The following PRDM16 variants were observed in gnomAD, a reference collection of about 807,000 sequenced individuals.
PRDM16 encodes histone-lysine N-methyltransferase PRDM16.
A neutral mutation model predicts 110.6 loss-of-function variants in PRDM16; 23 were observed. The ratio of observed to expected loss-of-function variants is 0.21; its 90% CI spans 0.15 to 0.29. The LOEUF (loss-of-function observed/expected upper bound fraction) is 0.29. Among genes scored for constraint, PRDM16 ranks in the 10% least tolerant of loss-of-function variants. The pLI is 1.00. For missense variants in PRDM16, 1,615 were observed against 1,794.3 expected (o/e 0.90, Z 1.81); for synonymous variants, 799 against 781.8 (o/e 1.02, Z -0.37).
rs1322935460 is a variant in PRDM16, at chr1:3,348,281, C to A, written c.439-36871C>A. The stretch of plus-strand genomic sequence containing the variant: ...TAGGAATCTGCCCATGCCATGCAGC[C>A]CTCAGTGCCCACAAAGGCTGGGCTC... On this transcript the variant is annotated intron_variant, in intron 3 of 16. Coordinates refer to ENST00000270722, the MANE Select transcript of PRDM16 (RefSeq NM_022114.4). Among the ~76,000 whole-genome samples the A allele has an allele frequency of 2.0e-5, 3 of 152,196 alleles. No homozygotes were observed. In the East Asian group the frequency reaches 5.8e-4, roughly 29 times the overall value.
At chr1:3,420,379 G>A (rs939057425) in intron 12 of PRDM16, among the ~76,000 whole-genome samples, 4 of 152,322 alleles carry the variant, frequency 2.6e-5, no homozygotes, top group African/African-American at 4.8e-5. Context: ...CCCCATGCCC[G>A]CCCCAGTGTG....
At chr1:3,268,772 T>C (rs1241449008) in intron 3 of PRDM16, among the ~76,000 whole-genome samples, 1 of 152,142 alleles carries the variant, frequency 6.6e-6, no homozygotes, top group East Asian at 1.9e-4. Flanking sequence ...AGTATTCTAA[T>C]ATTCCTGGTA....
intron 3 of PRDM16, among the ~76,000 whole-genome samples, chr1:3,280,763 G>A (rs1275595396): frequency 6.6e-6 from 1 of 152,232 alleles, no homozygotes; most frequent in African/African-American, 2.4e-5. Context: ...TAGGTGAAGT[G>A]AGAAGCAGGC....
At chr1:3,247,422 G>A (rs1639812284) in intron 3 of PRDM16, among the ~76,000 whole-genome samples, 1 of 152,230 alleles carries the variant, frequency 6.6e-6, no homozygotes. Flanking sequence ...CGGCCGGGCC[G>A]AGGGTTGTAT....
rs1643419665 is a variant in PRDM16, at chr1:3,398,489, A to T, written c.676+1896A>T. Among the ~76,000 whole-genome samples the T allele has an allele frequency of 1.3e-5, 2 of 152,218 alleles. 1 individual carries two copies. The highest frequency in any genetic ancestry group is 4.1e-4 in the South Asian group (2 of 4,828). On this transcript the variant is annotated intron_variant, in intron 5 of 16. Coordinates refer to ENST00000270722, the MANE Select transcript of PRDM16 (RefSeq NM_022114.4). ...CTCACTAAGATAATTATCATAAAAA[A>T]TCTTTTATCCCAACCCCAGCTCAAT...
chr1:3,352,322 CG>C (rs1160588014), intron 3 of PRDM16, among the ~76,000 whole-genome samples: 2 of 152,192 alleles, frequency 1.3e-5, no homozygotes, highest in African/African-American at 4.8e-5. Flanking sequence ...CGACTTCCCA[CG>C]GCAGAGTTGT....
chr1:3,123,352 C>A (rs764413721), intron 1 of PRDM16, among the ~76,000 whole-genome samples: 8 of 152,234 alleles, frequency 5.3e-5, no homozygotes, highest in Non-Finnish European at 1.2e-4. Context: ...CTCCAGGCGT[C>A]TGACAAATTT....
At chr1:3,279,362 C>T (rs924730155) in intron 3 of PRDM16, among the ~76,000 whole-genome samples, 4 of 152,244 alleles carry the variant, frequency 2.6e-5, no homozygotes, top group South Asian at 2.1e-4. Flanking sequence ...AGAGGAAGGG[C>T]GGGCCCTCGC....
rs143272149 is a variant in PRDM16, at chr1:3,151,652, G to A, written c.38-34473G>A. The stretch of plus-strand genomic sequence containing the variant: ...CGTCGACACTGCTAGCCCCACCGCC[G>A]TTCTGGGAGGCCGCCCACAGCACTG... On this transcript the variant is annotated intron_variant, in intron 1 of 16. Transcript: ENST00000270722. Among the ~76,000 whole-genome samples the A allele has an allele frequency of 1.5e-3, 232 of 152,382 alleles. 1 individual carries two copies. Among genetic ancestry groups the A allele is most frequent in the African/African-American group, 5.2e-3 (215 of 41,590 alleles).
chr1:3,097,731 C>T (rs939806209), intron 1 of PRDM16, among the ~76,000 whole-genome samples: 12 of 152,160 alleles, frequency 7.9e-5, no homozygotes, highest in African/African-American at 2.9e-4. Flanking sequence ...AGGGTCTCCC[C>T]GAGGCCTGGG....
rs774289596 is a variant in PRDM16 at position 3,417,800 on chromosome 1, C to G, written c.2692-28C>G. ...GAAGACAGGTGAGAGTCAGCTGAGT[C>G]CATAACCTCCCACTCTTATGCCTAC... On this transcript the variant is annotated intron_variant, in intron 10 of 16. Transcript: ENST00000270722. 7.5e-6 allele frequency: 12 copies of G among 1,609,412 alleles called. No individual in the cohort carries two copies. The African/African-American group carries it at 1.6e-4, about 22-fold the overall frequency.
At chr1:3,369,251 C>A (rs1642870329) in intron 3 of PRDM16, among the ~76,000 whole-genome samples, 1 of 152,358 alleles carries the variant, frequency 6.6e-6, no homozygotes, top group Admixed American at 6.5e-5. Context: ...GCACCTCTGT[C>A]TGTGAATCAC....
At position 3,345,692 on chromosome 1, in the gene PRDM16, C is replaced by A. The variant is rs148688194; in HGVS notation, c.439-39460C>A. On this transcript the variant is annotated intron_variant, in intron 3 of 16. Transcript: ENST00000270722. Reference sequence around the variant, plus strand: ...ACCCCCTCTGTGGTCCAGGCCACCCCTCGGGTCCTCCCATGCTGCCCTCTC... The same window carrying A: ...ACCCCCTCTGTGGTCCAGGCCACCCATCGGGTCCTCCCATGCTGCCCTCTC... Among the ~76,000 whole-genome samples the A allele has an allele frequency of 9.2e-3, 1,405 of 152,134 alleles. 9 individuals are homozygous for A. Among genetic ancestry groups the A allele is most frequent in the African/African-American group, 0.032 (1,310 of 41,490 alleles).
chr1:3,103,871 A>G (rs1029057514), intron 1 of PRDM16, among the ~76,000 whole-genome samples: 2 of 152,202 alleles, frequency 1.3e-5, no homozygotes, highest in African/African-American at 4.8e-5. Context: ...GCTACTTAAC[A>G]TCAATTCTGT....
chr1:3,352,953 C>T (rs1000163972), intron 3 of PRDM16, among the ~76,000 whole-genome samples: 2 of 152,214 alleles, frequency 1.3e-5, no homozygotes, highest in Non-Finnish European at 2.9e-5. Context: ...CCTGAGTGCC[C>T]ACCCTGCAGG....
At chr1:3,072,234 G>C (rs568964043) in intron 1 of PRDM16, among the ~76,000 whole-genome samples, 39 of 152,326 alleles carry the variant, frequency 2.6e-4, no homozygotes, top group African/African-American at 8.7e-4. Context: ...TTCCAGGGCT[G>C]TTGTGAGCCA....
chr1:3,414,432 G>A lies in PRDM16; in HGVS notation c.2604-128G>A, dbSNP rs76153297. On this transcript the variant is annotated intron_variant, in intron 9 of 16. Coordinates refer to ENST00000270722, the MANE Select transcript of PRDM16 (RefSeq NM_022114.4). ...TGGTGAGCGTTGGGGCAGCCACGGCGAGGTCCACACCATGGCCTTGTGACT... is the reference window on the plus strand; with the variant it reads ...TGGTGAGCGTTGGGGCAGCCACGGCAAGGTCCACACCATGGCCTTGTGACT... 9,478 of 683,138 alleles carry A rather than the reference G, an allele frequency of 0.014. 617 individuals are homozygous for A. In the African/African-American group the frequency reaches 0.14, roughly 10 times the overall value. The allele number at this position is 683,138 out of a possible 1,614,324, so 42.3% of individuals were successfully genotyped here.
chr1:3,098,464 C>T (rs1284420167), intron 1 of PRDM16, among the ~76,000 whole-genome samples: 1 of 152,190 alleles, frequency 6.6e-6, no homozygotes, highest in African/African-American at 2.4e-5. Flanking sequence ...ACCGCTCCAC[C>T]CAGGTGCTTC....
Position 3,426,116 on chromosome 1 carries a change from T to C in PRDM16, c.3175T>C (p.Ser1059Pro). The change falls in exon 14 of 17, where the codon TCG (serine) becomes CCG (proline). Residue 1059 changes from serine to proline, a missense_variant. Physicochemically the swap from Ser to Pro is moderately conservative, Grantham distance 74. Transcript: ENST00000270722. ...CAGCGCGTCCTCTCCCACCTCAGAG[T>C]CGGACAACCACGCACTTTTAGACGA... ...GTSASSPTSE[S>P]DNHALLDEKE... The C allele has an allele frequency of 6.2e-7, 1 of 1,613,502 alleles. No individual in the cohort carries two copies. The highest frequency in any genetic ancestry group is 8.5e-7 in the Non-Finnish European group (1 of 1,179,862).
Sources: gnomAD v4.1 joint callset for allele counts (sites outside exome capture counted in the v4.1 genomes callset) on GRCh38, gnomAD v4.1.1 for gene constraint, MANE v1.5 for transcripts, NCBI Gene and HGNC (gene_info 2026-07-23, HGNC 2026-07-21) for gene names.